The following ZDHHC18 variants were observed in gnomAD, a reference collection of about 807,000 sequenced individuals.
ZDHHC18 encodes the protein zDHHC palmitoyltransferase 18, also known as palmitoyltransferase ZDHHC18.
Under a neutral mutation model 37.5 loss-of-function variants are expected in ZDHHC18, and 23 were observed. The observed-to-expected ratio is 0.61, with a 90% CI of 0.44 to 0.87. The LOEUF is 0.87. Ranked by LOEUF, ZDHHC18 falls within the 40% of genes least tolerant of loss-of-function variation. ZDHHC18 has a pLI of 0.00. For synonymous variants in ZDHHC18, 185 were observed against 218.7 expected, an observed-to-expected ratio of 0.85 and a Z score of 1.36; for missense variants, 406 against 525.6, an observed-to-expected ratio of 0.77 and a Z score of 2.22.
At position 26,827,031 on chromosome 1, in the gene ZDHHC18, G is replaced by T; in HGVS notation, c.227G>T (p.Arg76Leu). Reference sequence around the variant, plus strand: ...CGCAAGTGGGAGGTGTTCCCGGGTCGCAATCGCTTCTACTGCGGCGGCCGC... The same window carrying T: ...CGCAAGTGGGAGGTGTTCCCGGGTCTCAATCGCTTCTACTGCGGCGGCCGC... ...PRRKWEVFPG[R>L]NRFYCGGRLM... The change falls in exon 1 of 8, where the codon CGC becomes CTC. Residue 76 changes from arginine (R) to leucine (L), a missense_variant. Arg to Leu is a moderately radical substitution (Grantham distance 102). Coordinates refer to ENST00000374142, the MANE Select transcript of ZDHHC18 (RefSeq NM_032283.3). 1 of 1,295,626 alleles carries T rather than the reference G, an allele frequency of 7.7e-7. No homozygotes were observed. The highest frequency in any genetic ancestry group is 2.3e-5 in the South Asian group (1 of 43,424). 80.3% of individuals were successfully genotyped at this position (1,295,626 alleles called of 1,614,324 possible). A position where few individuals can be genotyped will look rare whatever the true frequency, so the allele number is the denominator to read the frequency against.
chr1:26,830,975 GT>G (rs1231495604), intron 1 of ZDHHC18, among the ~76,000 whole-genome samples: 2 of 152,136 alleles, frequency 1.3e-5, no homozygotes, highest in Non-Finnish European at 2.9e-5. Flanking sequence ...TAGAGATGGG[GT>G]TTCATCTTAT....
intron 2 of ZDHHC18, among the ~76,000 whole-genome samples, chr1:26,841,578 A>G (rs2081639332): frequency 6.6e-6 from 1 of 152,182 alleles, no homozygotes; most frequent in Non-Finnish European, 1.5e-5. Context: ...GCAAGGAAGC[A>G]GTGAGTGGGG....
At chr1:26,835,723 A>G (rs1451896017) in intron 2 of ZDHHC18, among the ~76,000 whole-genome samples, 3 of 152,084 alleles carry the variant, frequency 2.0e-5, no homozygotes, top group Non-Finnish European at 4.4e-5. Context: ...AACCAAAAAC[A>G]TATTTCCCCG....
chr1:26,852,764 G>C lies in ZDHHC18; in HGVS notation c.948G>C (p.Ser316=). The C allele has an allele frequency of 6.2e-7, 1 of 1,613,982 alleles. No individual in the cohort carries two copies. Among genetic ancestry groups the C allele is most frequent in the Non-Finnish European group, 8.5e-7 (1 of 1,179,898 alleles). The change falls in exon 7 of 8, where the codon TCG becomes TCC. Residue 316 remains serine, a synonymous_variant. Transcript: ENST00000374142. ...NLTTNEDIKG[S]WSSKRGGEAS... ...CTTCCTGCTTGCAGATCAAAGGCTCGTGGTCCAGCAAGAGGGGCGGTGAGG... is the reference window on the plus strand; with the variant it reads ...CTTCCTGCTTGCAGATCAAAGGCTCCTGGTCCAGCAAGAGGGGCGGTGAGG...
intron 2 of ZDHHC18, among the ~76,000 whole-genome samples, chr1:26,840,566 CGAGTAGCTGG>C (rs1295760375): frequency 2.6e-5 from 4 of 151,292 alleles, no homozygotes; most frequent in Admixed American, 6.6e-5. Context: ...CTCAGCCTCC[CGAGTAGCTGG>C]GATTACAGGC....
intron 2 of ZDHHC18, among the ~76,000 whole-genome samples, chr1:26,840,361 G>A (rs539463355): frequency 2.0e-5 from 3 of 152,206 alleles, no homozygotes; most frequent in Non-Finnish European, 2.9e-5. Context: ...CTTGTCAAGC[G>A]TTAGCCACTT....
At chr1:26,847,420 C>T (rs1401071578) in intron 2 of ZDHHC18, among the ~76,000 whole-genome samples, 1 of 152,114 alleles carries the variant, frequency 6.6e-6, no homozygotes, top group African/African-American at 2.4e-5. Flanking sequence ...CCTATTTGCC[C>T]AGGCTCATCT....
At chr1:26,846,375 G>A (rs1334256555) in intron 2 of ZDHHC18, among the ~76,000 whole-genome samples, 9 of 122,486 alleles carry the variant, frequency 7.3e-5, no homozygotes, top group African/African-American at 2.5e-4. Context: ...CTCCCAGGCT[G>A]GAGTGCAGTG....
Position 26,856,017 on chromosome 1 carries a change from A to G in ZDHHC18, c.*2174A>G. ...GGAGACCCCCAAATTCTTCTTCCCT[A>G]CTGCCTTTCCACTCCGATCCCCAAT... On this transcript the variant is annotated 3_prime_UTR_variant, in exon 8 of 8. Transcript: ENST00000374142. This position sits in a 1 kb window ranked among gnomAD's most constrained non-coding sequence, Gnocchi z 5.2. 3.0e-6 allele frequency: 1 copy of G among 330,388 alleles called. No homozygotes were observed. The highest frequency in any genetic ancestry group is 3.2e-5 in the Admixed American group (1 of 30,994). The allele number at this position is 330,388 out of a possible 1,614,324, so 20.5% of individuals were successfully genotyped here.
chr1:26,837,447 ATATAT>A (rs1012442912), intron 2 of ZDHHC18, among the ~76,000 whole-genome samples: 3 of 145,684 alleles, frequency 2.1e-5, no homozygotes, highest in East Asian at 1.9e-4. Context: ...AACATATTTA[ATATAT>A]TATGTATATT....
At chr1:26,852,727 G>A in intron 6 of ZDHHC18, 26 bp from the exon 7 acceptor site, 1 of 1,608,294 alleles carries the variant, frequency 6.2e-7, no homozygotes, top group Non-Finnish European at 8.5e-7. Context: ...GGAGGTACTT[G>A]ACCTAGGCCT....
rs948899502 is a variant in ZDHHC18 at position 26,855,898 on chromosome 1, C to T, written c.*2055C>T. 2.7e-5 allele frequency: 6 copies of T among 221,738 alleles called. No homozygotes were observed. Among genetic ancestry groups the T allele is most frequent in the Non-Finnish European group, 5.9e-5 (6 of 102,038 alleles). The allele number at this position is 221,738 out of a possible 1,614,324, so 13.7% of individuals were successfully genotyped here. On this transcript the variant is annotated 3_prime_UTR_variant, in exon 8 of 8. Transcript: ENST00000374142. ...GGAGCTCTGTCCGCTGGAGGAAGAG[C>T]AGAGAGGGCTGCGGCTGAGCCCCCA...
At chr1:26,843,442 C>T (rs1296512291) in intron 2 of ZDHHC18, among the ~76,000 whole-genome samples, 1 of 151,364 alleles carries the variant, frequency 6.6e-6, no homozygotes, top group South Asian at 2.1e-4. Flanking sequence ...TGCCCGGCCT[C>T]CTTTTTTCTC....
Position 26,826,781 on chromosome 1 carries a change from G to A in ZDHHC18, c.-24G>A. ...TGGCCCGGCCGGCCCGCGGGGCGCG[G>A]AGCCGAGGCCCGCGGCTGGCTGCAT... On this transcript the variant is annotated 5_prime_UTR_variant, in exon 1 of 8. Transcript: ENST00000374142. This position sits in a 1 kb window ranked among gnomAD's most constrained non-coding sequence, Gnocchi z 5.2. 6 of 975,354 alleles carry A rather than the reference G, an allele frequency of 6.2e-6. No homozygotes were observed. Among genetic ancestry groups the A allele is most frequent in the Non-Finnish European group, 7.3e-6 (6 of 823,022 alleles). The allele number at this position is 975,354 out of a possible 1,614,324, so 60.4% of individuals were successfully genotyped here. A position where few individuals can be genotyped will look rare whatever the true frequency, so the allele number is the denominator to read the frequency against.
In ZDHHC18 at chr1:26,848,670, C is replaced by T. The variant is rs750426748; in HGVS notation, c.559C>T (p.Gln187Ter). The T allele has an allele frequency of 6.2e-7, 1 of 1,614,098 alleles. No homozygotes were observed. The highest frequency in any genetic ancestry group is 1.1e-5 in the South Asian group (1 of 91,090). The change falls in exon 3 of 8, where the codon CAG becomes TAG. Residue 187 changes from glutamine to a stop codon, truncating the protein, a stop_gained. Coordinates refer to ENST00000374142, the MANE Select transcript of ZDHHC18 (RefSeq NM_032283.3). LOFTEE classifies it high-confidence loss of function. Reference sequence around the variant, plus strand: ...GACCCGGGAGGTGCTGATCAACGGGCAGATGGTGAAGCTGAAGTACTGCTT... The same window carrying T: ...GACCCGGGAGGTGCTGATCAACGGGTAGATGGTGAAGCTGAAGTACTGCTT... The part of the protein sequence containing the change: ...PRTREVLING[Q>*]MVKLKYCFTC...
chr1:26,839,010 G>C (rs2081625986), intron 2 of ZDHHC18, among the ~76,000 whole-genome samples: 2 of 152,282 alleles, frequency 1.3e-5, no homozygotes, highest in African/African-American at 4.8e-5. Context: ...TGGAAGGGCA[G>C]AGGGCAGTCA....
intron 2 of ZDHHC18, among the ~76,000 whole-genome samples, chr1:26,832,815 A>G (rs1383602313): frequency 6.6e-6 from 1 of 152,254 alleles, no homozygotes; most frequent in African/African-American, 2.4e-5. Context: ...GCCAGCCAGC[A>G]AAGGCCCCGA....
At chr1:26,853,354 A>T (rs1382150961) in intron 7 of ZDHHC18, 2 of 289,372 alleles carry the variant, frequency 6.9e-6, no homozygotes, top group Admixed American at 4.7e-5. Flanking sequence ...CATGTCACCT[A>T]CCCCACCCAG....
intron 7 of ZDHHC18, 112 bp from the exon 8 acceptor site, chr1:26,853,614 C>A: frequency 9.7e-7 from 1 of 1,026,274 alleles, no homozygotes; most frequent in South Asian, 1.4e-5. Flanking sequence ...CTTTCCTCAG[C>A]CTTTCTCAGC....
Sources: gnomAD v4.1 joint callset for allele counts (sites outside exome capture counted in the v4.1 genomes callset) on GRCh38, gnomAD v4.1.1 for gene constraint, Gnocchi (gnomAD v3.1) non-coding constraint, MANE v1.5 for transcripts, NCBI Gene and HGNC (gene_info 2026-07-23, HGNC 2026-07-21) for gene names.